Variants in TP53BP2 observed in about 807,000 individuals in gnomAD.
TP53BP2 encodes tumor protein p53 binding protein 2.
Under a neutral mutation model 126.2 loss-of-function variants are expected in TP53BP2, and 62 were observed. The observed-to-expected ratio is 0.49, with a 90% confidence interval of 0.40 to 0.61. The LOEUF (loss-of-function observed/expected upper bound fraction) is 0.61, where lower values mean the gene tolerates loss of function less well. Among genes scored for constraint, TP53BP2 ranks in the 20% least tolerant of loss-of-function variants. TP53BP2 has a pLI of 0.00. For missense variants in TP53BP2, 1,215 were observed against 1,402.8 expected, an observed-to-expected ratio of 0.87 and a Z score of 2.14; for synonymous variants, 485 against 502.9, an observed-to-expected ratio of 0.96 and a Z score of 0.48.
At chr1:223,809,396 G>A (rs571576909) in intron 4 of TP53BP2, among the ~76,000 whole-genome samples, 103 of 151,914 alleles carry the variant, frequency 6.8e-4, no homozygotes, top group African/African-American at 2.3e-3. Context: ...GTGAAACCCC[G>A]ACTCTACTAA....
intron 16 of TP53BP2, among the ~76,000 whole-genome samples, chr1:223,785,305 T>C (rs1217413296): frequency 6.6e-6 from 1 of 152,220 alleles, no homozygotes; most frequent in Non-Finnish European, 1.5e-5. Flanking sequence ...CACAGTATAT[T>C]TCTCTCACTC....
Position 223,796,727 on chromosome 1 carries a change from T to A in TP53BP2, c.1949-137A>T. 2 of 772,596 alleles carry A rather than the reference T, an allele frequency of 2.6e-6. No individual in the cohort carries two copies. Among genetic ancestry groups the A allele is most frequent in the Non-Finnish European group, 3.8e-6 (2 of 527,672 alleles). The allele number at this position is 772,596 out of a possible 1,614,324, so 47.9% of individuals were successfully genotyped here. The stretch of plus-strand genomic sequence containing the variant: ...CTACATAATCCCCTTCAAATATAAT[T>A]AATTTTTAAAAATAAATGACAAAGC... On this transcript the variant is annotated intron_variant, in intron 12 of 17. Coordinates refer to ENST00000343537, the MANE Select transcript of TP53BP2 (RefSeq NM_001031685.3). The surrounding 1 kb of genome is among the most constrained non-coding windows in gnomAD (Gnocchi z 4.2).
intron 1 of TP53BP2, among the ~76,000 whole-genome samples, chr1:223,823,423 G>C (rs563700923): frequency 6.6e-6 from 1 of 152,168 alleles, no homozygotes; most frequent in East Asian, 1.9e-4. Flanking sequence ...TGCAACCAAA[G>C]CTGTTAACTC....
In TP53BP2 at chr1:223,796,342, T is replaced by TA; in HGVS notation, c.2196dup (p.Asn733Ter). The TA allele has an allele frequency of 5.0e-6, 8 of 1,614,214 alleles. No individual in the cohort carries two copies. Among genetic ancestry groups the TA allele is most frequent in the Non-Finnish European group, 6.8e-6 (8 of 1,180,038 alleles). On this transcript the variant is annotated frameshift_variant, in exon 13 of 18. Transcript: ENST00000343537. LOFTEE classifies it high-confidence loss of function. The surrounding 1 kb of genome is among the most constrained non-coding windows in gnomAD (Gnocchi z 4.2). ...CGTTTCTTTAGAGGCCTTGGTGCGTTAGACAGTTTCTTTCGTAAGGCTTCT... is the reference window on the plus strand; with the variant it reads ...CGTTTCTTTAGAGGCCTTGGTGCGTTAAGACAGTTTCTTTCGTAAGGCTTCT...
chr1:223,781,557 T>C (rs1661778588), intron 17 of TP53BP2, among the ~76,000 whole-genome samples: 1 of 151,886 alleles, frequency 6.6e-6, no homozygotes, highest in Admixed American at 6.6e-5. Context: ...GCAGCCCCTC[T>C]TGACAAAAGA....
intron 15 of TP53BP2, 51 bp downstream of exon 15, chr1:223,792,337 TA>T: frequency 6.4e-7 from 1 of 1,555,528 alleles, no homozygotes; most frequent in Non-Finnish European, 8.7e-7. Flanking sequence ...CAACTGCTTA[TA>T]AACCGATTCC....
At chr1:223,844,248 C>T (rs1664198315) in intron 1 of TP53BP2, among the ~76,000 whole-genome samples, 1 of 152,142 alleles carries the variant, frequency 6.6e-6, no homozygotes, top group African/African-American at 2.4e-5. Flanking sequence ...AATATAGTCT[C>T]AAGAGCCACA....
At chr1:223,824,883 T>C (rs558180318) in intron 1 of TP53BP2, among the ~76,000 whole-genome samples, 79 of 152,156 alleles carry the variant, frequency 5.2e-4, no homozygotes, top group African/African-American at 1.8e-3. Flanking sequence ...TGGGAGCCTC[T>C]GTACTTGCTG....
intron 15 of TP53BP2, among the ~76,000 whole-genome samples, chr1:223,791,155 G>A (rs1448811410): frequency 6.6e-6 from 1 of 152,032 alleles, no homozygotes; most frequent in African/African-American, 2.4e-5. Flanking sequence ...GGCCAAGTAC[G>A]GTGGCTCATA....
At chr1:223,798,793 CG>C in intron 11 of TP53BP2, 116 bp from the exon 12 acceptor site, 1 of 943,408 alleles carries the variant, frequency 1.1e-6, no homozygotes, top group Non-Finnish European at 1.6e-6. Context: ...TAGCTCTGGC[CG>C]GGTGCAGGGG....
intron 1 of TP53BP2, 182 bp from the exon 2 acceptor site, chr1:223,821,549 C>T (rs1367768368): frequency 1.3e-6 from 1 of 784,990 alleles, no homozygotes. Flanking sequence ...TGGAGCCCAG[C>T]CCCTACCATG....
At chr1:223,814,806 C>T (rs1663031919) in intron 2 of TP53BP2, among the ~76,000 whole-genome samples, 1 of 151,808 alleles carries the variant, frequency 6.6e-6, no homozygotes, top group Non-Finnish European at 1.5e-5. Flanking sequence ...TCAATACAGG[C>T]TATTTTTAAA....
intron 16 of TP53BP2, among the ~76,000 whole-genome samples, chr1:223,787,303 C>G (rs1662004333): frequency 6.6e-6 from 1 of 152,048 alleles, no homozygotes; most frequent in Non-Finnish European, 1.5e-5. Context: ...TTGTAGTGAG[C>G]TATGATCACA....
intron 1 of TP53BP2, among the ~76,000 whole-genome samples, chr1:223,827,855 A>G (rs1231870381): frequency 6.6e-6 from 1 of 152,182 alleles, no homozygotes; most frequent in African/African-American, 2.4e-5. Context: ...TCATGTTAAC[A>G]TGAGAAAATG....
chr1:223,845,896 TTG>T lies in TP53BP2; in HGVS notation c.-218_-217del, dbSNP rs1263154021. 8.1e-5 allele frequency: 24 copies of T among 295,252 alleles called. No individual in the cohort carries two copies. Among genetic ancestry groups the T allele is most frequent in the Non-Finnish European group, 7.4e-5 (12 of 162,288 alleles). 18.3% of individuals were successfully genotyped at this position (295,252 alleles called of 1,614,324 possible). On this transcript the variant is annotated 5_prime_UTR_variant, in exon 1 of 18. Transcript: ENST00000343537. ...CCCGGCCGGGCCCCCTGACGCGGCTTTGTCTCTTCGACGCTCGTGACGGTCGG... is the reference window on the plus strand; with the variant it reads ...CCCGGCCGGGCCCCCTGACGCGGCTTTCTCTTCGACGCTCGTGACGGTCGG...
chr1:223,802,257 T>G lies in TP53BP2; in HGVS notation c.1084A>C (p.Met362Leu), dbSNP rs747361499. ...TCAGGCCTTGAGGGCATCCGAGGCA[T>G]AGTAGACGACTGGATATAGGGACCT... ...AVGPYIQSST[M>L]PRMPSRPELL... Residue 362 changes from methionine to leucine, a missense_variant, in exon 9 of 18, where the codon ATG (methionine) becomes CTG (leucine). Physicochemically the swap from Met to Leu is conservative, Grantham distance 15. This residue lies in a region of TP53BP2 where 814 missense variants were observed against 853.0 expected (regional missense o/e 0.95). Coordinates refer to ENST00000343537, the MANE Select transcript of TP53BP2 (RefSeq NM_001031685.3). The G allele has an allele frequency of 1.2e-6, 2 of 1,614,196 alleles. No individual in the cohort carries two copies. The highest frequency in any genetic ancestry group is 1.7e-5 in the Admixed American group (1 of 60,018).
intron 1 of TP53BP2, among the ~76,000 whole-genome samples, chr1:223,834,265 G>T (rs1482846262): frequency 2.0e-5 from 3 of 152,104 alleles, no homozygotes; most frequent in Non-Finnish European, 4.4e-5. Context: ...CATCACCTGG[G>T]AACTTGTCAG....
intron 16 of TP53BP2, among the ~76,000 whole-genome samples, chr1:223,786,271 C>T (rs560689596): frequency 6.6e-5 from 10 of 152,208 alleles, no homozygotes; most frequent in Middle Eastern, 3.4e-3. Context: ...GTAAAAGCGG[C>T]GGTCACTACA....
chr1:223,845,406 G>A (rs560304154), intron 1 of TP53BP2, among the ~76,000 whole-genome samples: 1 of 152,292 alleles, frequency 6.6e-6, no homozygotes, highest in South Asian at 2.1e-4. Context: ...GCCTGACTCC[G>A]GAGCAGCTGG....
Sources: gnomAD v4.1 joint callset for allele counts (sites outside exome capture counted in the v4.1 genomes callset) on GRCh38, gnomAD v4.1.1 for gene constraint, gnomAD v4.1.1 regional missense constraint, Gnocchi (gnomAD v3.1) non-coding constraint, MANE v1.5 for transcripts, NCBI Gene and HGNC (gene_info 2026-07-23, HGNC 2026-07-21) for gene names.